Variants in PDE4D observed in about 807,000 individuals in gnomAD.
The protein encoded by PDE4D is 3',5'-cyclic-AMP phosphodiesterase 4D.
In PDE4D, 24 loss-of-function variants were observed where a neutral mutation model predicts 87.4. The ratio of observed to expected loss-of-function variants is 0.27; its 90% CI spans 0.20 to 0.39. The LOEUF is 0.39. Among genes scored for constraint, PDE4D ranks in the 10% least tolerant of loss-of-function variants. The probability of loss-of-function intolerance (pLI) is 1.00; values close to 1 mark genes in which losing one functional copy is unlikely to be tolerated. For missense variants in PDE4D, 714 were observed against 1,041.0 expected (o/e 0.69, Z 4.32); for synonymous variants, 384 against 383.2 (o/e 1.00, Z -0.02).
chr5:60,461,138 G>A (rs1746904137), intron 1 of PDE4D, among the ~76,000 whole-genome samples: 2 of 152,066 alleles, frequency 1.3e-5, no homozygotes. Context: ...TCAAAAAATG[G>A]GAGAAAATGC....
rs192372295 is a variant in PDE4D, at chr5:59,282,597, C to T, written c.456-66629G>A. On this transcript the variant is annotated intron_variant, in intron 1 of 14. Coordinates refer to ENST00000340635, the MANE Select transcript of PDE4D (RefSeq NM_001104631.2). ...GGAGGAGGTTGCAGTGAGCCGAGAT[C>T]GTGTCATTGGACTCCAACCTGGGCG... 3.6e-4 allele frequency among the ~76,000 whole-genome samples: 45 copies of T among 126,066 alleles called. No homozygotes were observed. The Admixed American group carries it at 4.5e-3, about 13-fold the overall frequency. The allele number at this position is 126,066 out of a possible 152,430, so 82.7% of individuals were successfully genotyped here.
At chr5:59,919,380 T>C (rs1267056307) in intron 3 of PDE4D, among the ~76,000 whole-genome samples, 2 of 152,200 alleles carry the variant, frequency 1.3e-5, no homozygotes, top group African/African-American at 4.8e-5. Flanking sequence ...CCAATTAAAA[T>C]GTGTACCATA....
chr5:60,294,978 A>G (rs2149781203), intron 1 of PDE4D, among the ~76,000 whole-genome samples: 1 of 152,258 alleles, frequency 6.6e-6, no homozygotes, highest in South Asian at 2.1e-4. Flanking sequence ...ATTGTTATTG[A>G]GTCTTCTGAT....
chr5:58,978,261 A>T (rs1457342054), intron 11 of PDE4D, among the ~76,000 whole-genome samples: 1 of 116,790 alleles, frequency 8.6e-6, no homozygotes, highest in African/African-American at 3.1e-5. Flanking sequence ...CAAATAATAA[A>T]AAATTATCTG....
chr5:59,814,099 A>G (rs1768698218), intron 1 of PDE4D, among the ~76,000 whole-genome samples: 1 of 152,208 alleles, frequency 6.6e-6, no homozygotes, highest in Admixed American at 6.5e-5. Context: ...GGTTGGTGAC[A>G]CTTTTTTTCC....
intron 1 of PDE4D, among the ~76,000 whole-genome samples, chr5:59,407,109 T>C (rs891088544): frequency 6.6e-6 from 1 of 152,176 alleles, no homozygotes. Context: ...TGAGATGTAA[T>C]CCTCAGTGTT....
chr5:60,480,112 A>G (rs1391947658), intron 1 of PDE4D, among the ~76,000 whole-genome samples: 1 of 152,126 alleles, frequency 6.6e-6, no homozygotes, highest in African/African-American at 2.4e-5. Flanking sequence ...CCTCTTAATT[A>G]TCTCAGTATC....
chr5:59,403,150 C>A (rs371069338), intron 1 of PDE4D, among the ~76,000 whole-genome samples: 1 of 133,340 alleles, frequency 7.5e-6, no homozygotes, highest in Non-Finnish European at 1.7e-5. Flanking sequence ...GGTAGACAGA[C>A]AGACAGACAG....
At chr5:59,980,173 A>G (rs1761768302) in intron 3 of PDE4D, among the ~76,000 whole-genome samples, 1 of 152,228 alleles carries the variant, frequency 6.6e-6, no homozygotes, top group Non-Finnish European at 1.5e-5. Flanking sequence ...AGGCTTTTAA[A>G]GAATTATAAG....
At chr5:60,217,294 T>A (rs1225344825) in intron 1 of PDE4D, among the ~76,000 whole-genome samples, 1 of 151,880 alleles carries the variant, frequency 6.6e-6, no homozygotes, top group African/African-American at 2.4e-5. Context: ...AATACAGAGT[T>A]TTGGTTTTAT....
chr5:59,990,066 A>G (rs1452176917), intron 2 of PDE4D, among the ~76,000 whole-genome samples: 2 of 152,192 alleles, frequency 1.3e-5, no homozygotes, highest in African/African-American at 2.4e-5. Flanking sequence ...GAAGAAGTTT[A>G]TATTTCTCAA....
intron 5 of PDE4D, among the ~76,000 whole-genome samples, chr5:59,070,747 T>C (rs1764651418): frequency 6.6e-6 from 1 of 152,176 alleles, no homozygotes; most frequent in East Asian, 1.9e-4. Flanking sequence ...TATATACTTA[T>C]CACTAATTCA....
chr5:59,542,067 G>A (rs189958913), intron 1 of PDE4D, among the ~76,000 whole-genome samples: 49 of 152,144 alleles, frequency 3.2e-4, no homozygotes, highest in African/African-American at 9.4e-4. Context: ...AATCTATGCC[G>A]GGCCCTCTTA....
chr5:59,016,749 T>A (rs1754082499), intron 6 of PDE4D, among the ~76,000 whole-genome samples: 1 of 152,130 alleles, frequency 6.6e-6, no homozygotes, highest in Non-Finnish European at 1.5e-5. Flanking sequence ...GCTTTAAACA[T>A]CAGAGTTTTT....
intron 2 of PDE4D, among the ~76,000 whole-genome samples, chr5:60,154,349 T>G (rs1223284507): frequency 6.6e-6 from 1 of 152,078 alleles, no homozygotes; most frequent in African/African-American, 2.4e-5. Context: ...CCATCTTGGC[T>G]CACTGAGAAC....
chr5:59,650,347 C>A (rs527485447), intron 1 of PDE4D, among the ~76,000 whole-genome samples: 1 of 152,208 alleles, frequency 6.6e-6, no homozygotes, highest in African/African-American at 2.4e-5. Flanking sequence ...TCTAATTCTT[C>A]TATTCTGTTG....
chr5:59,419,800 T>C (rs1794184324), intron 1 of PDE4D, among the ~76,000 whole-genome samples: 2 of 152,160 alleles, frequency 1.3e-5, no homozygotes, highest in South Asian at 4.1e-4. Flanking sequence ...GATGGTAGAG[T>C]AACACAAACT....
intron 1 of PDE4D, among the ~76,000 whole-genome samples, chr5:59,309,224 G>T (rs765357701): frequency 1.3e-5 from 2 of 152,130 alleles, no homozygotes; most frequent in African/African-American, 2.4e-5. Flanking sequence ...TCCACCTGTG[G>T]AGTCTGCACG....
intron 2 of PDE4D, among the ~76,000 whole-genome samples, chr5:60,046,128 A>G (rs1402388723): frequency 6.6e-6 from 1 of 152,200 alleles, no homozygotes; most frequent in Non-Finnish European, 1.5e-5. Context: ...CTTTGAAGCA[A>G]TTGTGAATGG....
Sources: allele counts gnomAD v4.1 joint callset (sites outside exome capture counted in the v4.1 genomes callset), GRCh38; gene constraint gnomAD v4.1.1; transcripts MANE v1.5; gene names NCBI Gene and HGNC (gene_info 2026-07-23, HGNC 2026-07-21).